Variants in USP49 observed in about 807,000 individuals in gnomAD.
USP49 encodes the protein ubiquitin carboxyl-terminal hydrolase 49.
USP49 carries 24 observed loss-of-function variants against 58.6 expected under a neutral mutation model. That is an observed-to-expected ratio of 0.41 (90% CI 0.30 to 0.58). The LOEUF is 0.58. USP49 is among the 20% of genes least tolerant of loss of function. USP49 has a pLI of 0.30. For synonymous variants in USP49, 408 were observed against 365.1 expected, an observed-to-expected ratio of 1.12 and a Z score of -1.34; for missense variants, 703 against 866.1, an observed-to-expected ratio of 0.81 and a Z score of 2.36.
chr6:41,802,432 A>ATTTTATTTTAT lies in USP49; in HGVS notation c.1561+1373_1561+1374insATAAAATAAAA, dbSNP rs772710803. ...TTTTTATTTTATTTTATTTTATTTT[A>ATTTTATTTTAT]TTTATTTATTTATTTATTTATTTAT... On this transcript the variant is annotated intron_variant, in intron 5 of 7. Transcript: ENST00000682992. 4.3e-3 allele frequency among the ~76,000 whole-genome samples: 250 copies of ATTTTATTTTAT among 58,732 alleles called. 2 individuals carry two copies. The highest frequency in any genetic ancestry group is 0.029 in the Middle Eastern group (3 of 104). 38.5% of individuals were successfully genotyped at this position (58,732 alleles called of 152,430 possible). A position where few individuals can be genotyped will look rare whatever the true frequency, so the allele number is the denominator to read the frequency against.
chr6:41,819,665 T>C (rs1213583724), intron 3 of USP49, among the ~76,000 whole-genome samples: 1 of 152,104 alleles, frequency 6.6e-6, no homozygotes, highest in Non-Finnish European at 1.5e-5. Context: ...TTAAAAGTAT[T>C]AGGTGAAAAC....
intron 3 of USP49, among the ~76,000 whole-genome samples, chr6:41,852,549 A>G (rs1475584992): frequency 6.6e-6 from 1 of 152,238 alleles, no homozygotes. Flanking sequence ...GACGATGAAG[A>G]CTATAAAACA....
At chr6:41,810,071 G>A (rs1343530180) in intron 3 of USP49, among the ~76,000 whole-genome samples, 11 of 150,586 alleles carry the variant, frequency 7.3e-5, no homozygotes, top group African/African-American at 2.4e-4. Flanking sequence ...GGAATGGCGC[G>A]AACCCGGGAG....
chr6:41,848,319 C>CA (rs757848075), intron 3 of USP49, among the ~76,000 whole-genome samples: 1 of 151,864 alleles, frequency 6.6e-6, no homozygotes, highest in Non-Finnish European at 1.5e-5. Context: ...CAAAATATAC[C>CA]AAAAACAATT....
At chr6:41,849,767 C>T (rs556223642) in intron 3 of USP49, among the ~76,000 whole-genome samples, 3 of 151,972 alleles carry the variant, frequency 2.0e-5, no homozygotes, top group African/African-American at 7.3e-5. Flanking sequence ...GCCGCCACGC[C>T]CAGCTAATTT....
At chr6:41,881,240 G>T (rs1372242834) in intron 2 of USP49, among the ~76,000 whole-genome samples, 1 of 116,114 alleles carries the variant, frequency 8.6e-6, no homozygotes, top group African/African-American at 3.3e-5. Flanking sequence ...CCCCTACGCA[G>T]ATTTTTGTAA....
chr6:41,810,810 C>T (rs1773245022), intron 3 of USP49, among the ~76,000 whole-genome samples: 1 of 152,030 alleles, frequency 6.6e-6, no homozygotes, highest in Non-Finnish European at 1.5e-5. Flanking sequence ...TGACCCGCCT[C>T]AGCCTCCCAA....
At chr6:41,849,097 C>T (rs1561917033) in intron 3 of USP49, among the ~76,000 whole-genome samples, 2 of 152,020 alleles carry the variant, frequency 1.3e-5, no homozygotes. Context: ...TCTAAGGACA[C>T]ATAGATTGAA....
chr6:41,887,909 G>C (rs1413968227), intron 2 of USP49, among the ~76,000 whole-genome samples: 2 of 152,250 alleles, frequency 1.3e-5, no homozygotes, highest in Non-Finnish European at 2.9e-5. Context: ...CATGTGAATG[G>C]AAAAGGGACA....
At chr6:41,856,502 T>C (rs1158918326) in intron 3 of USP49, among the ~76,000 whole-genome samples, 1 of 152,184 alleles carries the variant, frequency 6.6e-6, no homozygotes. Context: ...TGAACAAAGA[T>C]ATGCAGAATT....
At chr6:41,863,996 T>C (rs1338681176) in intron 3 of USP49, among the ~76,000 whole-genome samples, 1 of 151,386 alleles carries the variant, frequency 6.6e-6, no homozygotes, top group Non-Finnish European at 1.5e-5. Flanking sequence ...CTCAAATTCC[T>C]GGGCTCAACC....
chr6:41,832,282 T>C (rs1241437039), intron 3 of USP49, among the ~76,000 whole-genome samples: 1 of 152,200 alleles, frequency 6.6e-6, no homozygotes, highest in Non-Finnish European at 1.5e-5. Context: ...CAGAGACAAT[T>C]ATCTTCTGAA....
At chr6:41,832,410 G>A (rs963879900) in intron 3 of USP49, among the ~76,000 whole-genome samples, 2 of 152,144 alleles carry the variant, frequency 1.3e-5, no homozygotes, top group East Asian at 1.9e-4. Flanking sequence ...AAATGCCTAA[G>A]TCCTAGTATA....
intron 3 of USP49, among the ~76,000 whole-genome samples, chr6:41,808,526 C>T (rs1248252691): frequency 6.6e-6 from 1 of 151,518 alleles, no homozygotes; most frequent in African/African-American, 2.4e-5. Flanking sequence ...TCTCCTGCCT[C>T]AGCCTCCCGA....
chr6:41,865,861 C>T, intron 3 of USP49, among the ~76,000 whole-genome samples: 1 of 134,374 alleles, frequency 7.4e-6, no homozygotes, highest in African/African-American at 2.8e-5. Context: ...CCAGGCTGGT[C>T]TAGAACTCCT....
intron 2 of USP49, among the ~76,000 whole-genome samples, chr6:41,875,315 A>G (rs1170532407): frequency 6.6e-6 from 1 of 152,188 alleles, no homozygotes; most frequent in Non-Finnish European, 1.5e-5. Context: ...CTTAACCAAG[A>G]TTATATCTTT....
rs576237977 is a variant in USP49, at chr6:41,796,513, C to A, written c.*20G>T. The A allele has an allele frequency of 1.4e-4, 97 of 716,228 alleles. No individual in the cohort carries two copies. The highest frequency in any genetic ancestry group is 1.3e-3 in the African/African-American group (76 of 57,320). 44.4% of individuals were successfully genotyped at this position (716,228 alleles called of 1,614,324 possible). The stretch of plus-strand genomic sequence containing the variant: ...TGGACACCAATACACAAAAGCCAGT[C>A]TTTGATACATGCCTCCCATTCAGGA... On this transcript the variant is annotated 3_prime_UTR_variant, in exon 8 of 8. Coordinates refer to ENST00000682992, the MANE Select transcript of USP49 (RefSeq NM_001286554.2).
chr6:41,822,401 C>T (rs961033855), intron 3 of USP49, among the ~76,000 whole-genome samples: 5 of 152,158 alleles, frequency 3.3e-5, no homozygotes, highest in African/African-American at 4.8e-5. Flanking sequence ...ATGCTGGTGT[C>T]GGTTATTTTG....
intron 3 of USP49, among the ~76,000 whole-genome samples, chr6:41,854,580 T>C (rs1019833926): frequency 2.0e-5 from 3 of 152,182 alleles, no homozygotes; most frequent in Admixed American, 6.5e-5. Context: ...TATTAAGAGA[T>C]TATATGTCTC....
Sources: gnomAD v4.1 joint callset for allele counts (sites outside exome capture counted in the v4.1 genomes callset) on GRCh38, gnomAD v4.1.1 for gene constraint, MANE v1.5 for transcripts, NCBI Gene and HGNC (gene_info 2026-07-23, HGNC 2026-07-21) for gene names.